ARB2A: variants seen among roughly 807,000 people sequenced by gnomAD.
The protein encoded by ARB2A is cotranscriptional regulator ARB2A.
the ARB2A span, among the ~76,000 whole-genome samples, chr5:94,083,110 G>A: frequency 1.3e-5 from 2 of 152,150 alleles, no homozygotes; most frequent in African/African-American, 2.4e-5. Flanking sequence ...GCTAGTTACA[G>A]GAAATAAACT....
the ARB2A span, among the ~76,000 whole-genome samples, chr5:94,069,621 G>C: frequency 6.6e-6 from 1 of 152,046 alleles, no homozygotes; most frequent in Non-Finnish European, 1.5e-5. Context: ...TAAAACGTGG[G>C]CAAAGGACAT....
At chr5:93,914,180 G>A in the ARB2A span, among the ~76,000 whole-genome samples, 1 of 151,786 alleles carries the variant, frequency 6.6e-6, no homozygotes, top group Admixed American at 6.6e-5. Flanking sequence ...GGAGGGTTTG[G>A]GAATCTGTAG....
chr5:93,811,174 C>T, the ARB2A span, among the ~76,000 whole-genome samples: 2 of 152,044 alleles, frequency 1.3e-5, no homozygotes, highest in Admixed American at 6.6e-5. Context: ...ACCGCTGTCT[C>T]TTTGAAGCAT....
chr5:93,872,337 G>A, the ARB2A span, among the ~76,000 whole-genome samples: 1 of 152,012 alleles, frequency 6.6e-6, no homozygotes, highest in Admixed American at 6.6e-5. Context: ...ATAGATGTAG[G>A]AACTGAAACA....
At chr5:93,707,275 C>T in the ARB2A span, among the ~76,000 whole-genome samples, 4 of 152,070 alleles carry the variant, frequency 2.6e-5, no homozygotes, top group Non-Finnish European at 4.4e-5. Context: ...TTACTTTTCA[C>T]GATGTCCAAA....
chr5:93,730,919 G>C, the ARB2A span, among the ~76,000 whole-genome samples: 7 of 152,126 alleles, frequency 4.6e-5, no homozygotes, highest in African/African-American at 1.7e-4. Context: ...GGTTGGGAGA[G>C]AAGAAATTTT....
At chr5:94,013,323 G>A in the ARB2A span, among the ~76,000 whole-genome samples, 1 of 151,872 alleles carries the variant, frequency 6.6e-6, no homozygotes, top group East Asian at 1.9e-4. Context: ...GATTACACGT[G>A]CCCGCCACCA....
chr5:93,660,799 G>A, the ARB2A span, among the ~76,000 whole-genome samples: 1 of 152,078 alleles, frequency 6.6e-6, no homozygotes, highest in South Asian at 2.1e-4. Context: ...CTAAGATGGT[G>A]GCACTGGGAA....
chr5:93,770,159 G>C, the ARB2A span, among the ~76,000 whole-genome samples: 1 of 152,124 alleles, frequency 6.6e-6, no homozygotes, highest in African/African-American at 2.4e-5. Context: ...CAAGGCTTTA[G>C]TCTCAATAAA....
the ARB2A span, among the ~76,000 whole-genome samples, chr5:94,104,456 AG>A: frequency 6.6e-6 from 1 of 152,018 alleles, no homozygotes; most frequent in South Asian, 2.1e-4. Flanking sequence ...AGATTGAATC[AG>A]AAGGAAATTG....
the ARB2A span, among the ~76,000 whole-genome samples, chr5:94,041,151 G>C: frequency 0.014 from 2,168 of 151,540 alleles, 57 homozygotes; most frequent in African/African-American, 0.049. Flanking sequence ...AAAATCACTA[G>C]TTATCTCCTG....
the ARB2A span, among the ~76,000 whole-genome samples, chr5:93,693,005 G>A: frequency 9.8e-5 from 15 of 152,290 alleles, 1 homozygote; most frequent in African/African-American, 3.6e-4. Flanking sequence ...TGAAACCAAT[G>A]AGAACAAAGA....
the ARB2A span, among the ~76,000 whole-genome samples, chr5:93,857,105 C>T: frequency 0.089 from 13,559 of 152,240 alleles, 791 homozygotes; most frequent in Middle Eastern, 0.17. Context: ...CGGATTTTCA[C>T]GAACCGCGAA....
chr5:94,045,466 CA>C, the ARB2A span, among the ~76,000 whole-genome samples: 21 of 152,094 alleles, frequency 1.4e-4, no homozygotes, highest in Non-Finnish European at 2.5e-4. Flanking sequence ...CTATTTTTAT[CA>C]AATACTTTTA....
At chr5:94,100,776 C>A in the ARB2A span, among the ~76,000 whole-genome samples, 19 of 152,198 alleles carry the variant, frequency 1.2e-4, no homozygotes, top group African/African-American at 4.3e-4. Context: ...ATACCATATA[C>A]AAGAATAAAC....
At chr5:93,868,686 T>C in the ARB2A span, among the ~76,000 whole-genome samples, 488 of 152,212 alleles carry the variant, frequency 3.2e-3, 12 homozygotes, top group East Asian at 0.07. Flanking sequence ...GATGGACAGT[T>C]TGGGACTGAG....
chr5:94,004,304 C>T, the ARB2A span, among the ~76,000 whole-genome samples: 1 of 152,100 alleles, frequency 6.6e-6, no homozygotes, highest in Non-Finnish European at 1.5e-5. Flanking sequence ...TTAAAAACAA[C>T]TGATACATTA....
chr5:94,035,772 C>T, the ARB2A span, among the ~76,000 whole-genome samples: 70 of 152,014 alleles, frequency 4.6e-4, no homozygotes, highest in African/African-American at 1.6e-3. Flanking sequence ...AACCAAACAC[C>T]GCATGTTCTC....
chr5:93,637,627 T>C, the ARB2A span, among the ~76,000 whole-genome samples: 10 of 152,228 alleles, frequency 6.6e-5, no homozygotes, highest in Non-Finnish European at 1.0e-4. Context: ...TTTCTCTGTA[T>C]CTTTGCCAGT....
Sources: gnomAD v4.1 joint callset for allele counts (sites outside exome capture counted in the v4.1 genomes callset) on GRCh38, gnomAD v4.1.1 for gene constraint, MANE v1.5 for transcripts, NCBI Gene and HGNC (gene_info 2026-07-23, HGNC 2026-07-21) for gene names.